Variants in AEN observed in about 807,000 individuals in gnomAD.
The protein encoded by AEN is apoptosis-enhancing nuclease.
Under a neutral mutation model 17.7 loss-of-function variants are expected in AEN, and 21 were observed. The observed-to-expected ratio is 1.19, with a 90% CI of 0.84 to 1.71. AEN has a LOEUF of 1.71. Ranked by LOEUF, AEN falls within the 40% of genes most tolerant of loss-of-function variation. AEN has a pLI of 0.00. For missense variants in AEN, 462 were observed against 435.9 expected (o/e 1.06, Z -0.53); for synonymous variants, 190 against 173.0 (o/e 1.10, Z -0.77).
chr15:88,624,407 C>T (rs2057825469), intron 1 of AEN, among the ~76,000 whole-genome samples: 1 of 152,118 alleles, frequency 6.6e-6, no homozygotes, highest in Non-Finnish European at 1.5e-5. Flanking sequence ...GAGCTGGCTG[C>T]CAACCACGGG....
At chr15:88,611,671 A>T in the AEN span, among the ~76,000 whole-genome samples, 1 of 152,182 alleles carries the variant, frequency 6.6e-6, no homozygotes, top group Non-Finnish European at 1.5e-5. Context: ...GTAAGAAAAA[A>T]TAATTTCTCC....
rs1433254015 is a variant in AEN at position 88,630,289 on chromosome 15, A to C, written c.973A>C (p.Asn325His). 6.3e-7 allele frequency: 1 copy of C among 1,578,602 alleles called. No individual in the cohort carries two copies. Among genetic ancestry groups the C allele is most frequent in the Non-Finnish European group, 8.6e-7 (1 of 1,162,632 alleles). Reference protein sequence around the residue: ...GGAREAQDRRN With the variant: ...GGAREAQDRRH ...AGCCAGGGAGGCACAGGACAGAAGG[A>C]ATTGAGAAGGGGGCGGGGCTCCCTG... Residue 325 changes from asparagine to histidine, a missense_variant, in exon 4 of 4, where the codon AAT (asparagine) becomes CAT (histidine). Physicochemically the swap from Asn to His is moderately conservative, Grantham distance 68. Transcript: ENST00000332810. The surrounding 1 kb of genome is among the most constrained non-coding windows in gnomAD (Gnocchi z 5.1).
At chr15:88,626,053 C>A in intron 1 of AEN, 93 bp from the exon 2 acceptor site, 1 of 840,682 alleles carries the variant, frequency 1.2e-6, no homozygotes, top group Non-Finnish European at 1.8e-6. Flanking sequence ...CTCGGGCATC[C>A]CCACCGTGGT....
the AEN span, among the ~76,000 whole-genome samples, chr15:88,612,233 G>A: frequency 6.6e-6 from 1 of 152,162 alleles, no homozygotes; most frequent in South Asian, 2.1e-4. Flanking sequence ...GAGGCACCTT[G>A]TGACTCCACA....
chr15:88,611,883 T>C, the AEN span: 1 of 521,274 alleles, frequency 1.9e-6, no homozygotes, highest in Non-Finnish European at 3.9e-6. Context: ...TGTTGTTGTC[T>C]TACTGCGCTC....
Position 88,630,075 on chromosome 15 carries a change from C to G in AEN, c.759C>G (p.His253Gln). 6.2e-7 allele frequency: 1 copy of G among 1,614,106 alleles called. No individual in the cohort carries two copies. The highest frequency in any genetic ancestry group is 8.5e-7 in the Non-Finnish European group (1 of 1,180,036). ...HKKIQVGQHG[H>Q]SSVEDATTAM... ...GTCAGTAGGTGGGCCAGCACGGGCA[C>G]TCATCAGTAGAAGATGCCACGACAG... is the stretch of plus-strand genomic sequence containing the variant. Residue 253 changes from histidine to glutamine, a missense_variant, in exon 4 of 4, where the codon CAC becomes CAG. Physicochemically the swap from His to Gln is conservative, Grantham distance 24. Coordinates refer to ENST00000332810, the MANE Select transcript of AEN (RefSeq NM_022767.4). The surrounding 1 kb of genome is among the most constrained non-coding windows in gnomAD (Gnocchi z 5.1).
At chr15:88,614,542 A>C in the AEN span, among the ~76,000 whole-genome samples, 1 of 152,124 alleles carries the variant, frequency 6.6e-6, no homozygotes, top group Non-Finnish European at 1.5e-5. Flanking sequence ...GAGTCTCAAC[A>C]CAAAAACCTC....
rs372130562 is a variant in AEN, at chr15:88,631,139, AAC to A, written c.*847_*848del. ...TGGGCTCTTAAGCAAAAGTCTGAGA[AAC>A]AAGACAGTGGTTTGAATTCTGGGGC... On this transcript the variant is annotated 3_prime_UTR_variant, in exon 4 of 4. Transcript: ENST00000332810. 1 of 456,712 alleles carries A rather than the reference AAC, an allele frequency of 2.2e-6. No individual in the cohort carries two copies. The highest frequency in any genetic ancestry group is 2.0e-5 in the African/African-American group (1 of 50,200). 28.3% of individuals were successfully genotyped at this position (456,712 alleles called of 1,614,324 possible).
Position 88,630,049 on chromosome 15 carries a change from C to A in AEN, c.742-9C>A, listed in dbSNP as rs201742877. 46 of 1,613,582 alleles carry A rather than the reference C, an allele frequency of 2.9e-5. No homozygotes were observed. The highest frequency in any genetic ancestry group is 3.8e-5 in the Non-Finnish European group (45 of 1,179,836). Reference sequence around the variant, plus strand: ...CTGCAGGCAGTGATGTGTTGGCTCTCGTCAGTAGGTGGGCCAGCACGGGCA... The same window carrying A: ...CTGCAGGCAGTGATGTGTTGGCTCTAGTCAGTAGGTGGGCCAGCACGGGCA... On this transcript the variant is annotated splice_polypyrimidine_tract_variant and intron_variant, in intron 3 of 3. Coordinates refer to ENST00000332810, the MANE Select transcript of AEN (RefSeq NM_022767.4). This position sits in a 1 kb window ranked among gnomAD's most constrained non-coding sequence, Gnocchi z 5.1.
At position 88,626,550 on chromosome 15, in the gene AEN, A is replaced by G. The variant is rs1249289594; in HGVS notation, c.341A>G (p.Asp114Gly). The change falls in exon 2 of 4, where the codon GAC becomes GGC. Residue 114 changes from aspartate (D) to glycine (G), a missense_variant. Asp to Gly is a moderately conservative substitution (Grantham distance 94, BLOSUM62 -1). Coordinates refer to ENST00000332810, the MANE Select transcript of AEN (RefSeq NM_022767.4). ...TTGCCCAGCAAGTGTGTGGCTATCG[A>G]CTGTGAGATGGTGGGCACGGGACCC... ...GPLPSKCVAIDCEMVGTGPRG... is the reference protein window; with the variant it reads ...GPLPSKCVAIGCEMVGTGPRG... 10 of 1,614,036 alleles carry G rather than the reference A, an allele frequency of 6.2e-6. No individual in the cohort carries two copies. The highest frequency in any genetic ancestry group is 1.7e-6 in the Non-Finnish European group (2 of 1,180,048).
At chr15:88,620,369 G>A (rs1163341849), upstream of AEN, among the ~76,000 whole-genome samples, 6 of 151,892 alleles carry the variant, frequency 4.0e-5, no homozygotes, top group African/African-American at 1.2e-4. Flanking sequence ...GTTTATTATT[G>A]TTCTTGTTAT....
At position 88,630,476 on chromosome 15, in the gene AEN, C is replaced by T. The variant is rs1241110420; in HGVS notation, c.*182C>T. The T allele has an allele frequency of 1.7e-6, 1 of 605,352 alleles. No homozygotes were observed. Among genetic ancestry groups the T allele is most frequent in the Non-Finnish European group, 2.9e-6 (1 of 340,830 alleles). 37.5% of individuals were successfully genotyped at this position (605,352 alleles called of 1,614,324 possible). ...CTCTGCACACAGCATAGCCCTCTCT[C>T]TCTCCAGGGCTGTTGGTTCTTTCTT... On this transcript the variant is annotated 3_prime_UTR_variant, in exon 4 of 4. Coordinates refer to ENST00000332810, the MANE Select transcript of AEN (RefSeq NM_022767.4). The surrounding 1 kb of genome is among the most constrained non-coding windows in gnomAD (Gnocchi z 5.1).
the AEN span, chr15:88,611,959 C>T: frequency 1.7e-4 from 82 of 471,828 alleles, no homozygotes; most frequent in Middle Eastern, 3.9e-4. Context: ...ATGGGGGCAG[C>T]CCCCCTTTTT....
upstream of AEN, among the ~76,000 whole-genome samples, chr15:88,620,308 CTGAG>C (rs1213364727): frequency 1.3e-5 from 2 of 152,142 alleles, no homozygotes; most frequent in Non-Finnish European, 1.5e-5. Context: ...TACAAATTAA[CTGAG>C]TATTTTGCCT....
In AEN at chr15:88,632,143, C is replaced by T. The variant is rs528275379; in HGVS notation, c.*1849C>T. 1.3e-5 allele frequency: 2 copies of T among 152,348 alleles called. No individual in the cohort carries two copies. Among genetic ancestry groups the T allele is most frequent in the South Asian group, 4.1e-4 (2 of 4,826 alleles). The allele number at this position is 152,348 out of a possible 1,614,324, so 9.4% of individuals were successfully genotyped here. The stretch of plus-strand genomic sequence containing the variant: ...TTAAAAGTCGGTAGCTGATGTCAAA[C>T]TCAATTGAGCAGTAGCTTTGATCCC... On this transcript the variant is annotated 3_prime_UTR_variant, in exon 4 of 4. Coordinates refer to ENST00000332810, the MANE Select transcript of AEN (RefSeq NM_022767.4).
At chr15:88,612,050 G>A in the AEN span, 6 of 374,854 alleles carry the variant, frequency 1.6e-5, no homozygotes, top group Non-Finnish European at 2.1e-5. Flanking sequence ...AACACCCATC[G>A]GCAGACTCTT....
Position 88,626,336 on chromosome 15 carries a change from C to A in AEN, c.127C>A (p.Arg43=), listed in dbSNP as rs140301944. The stretch of plus-strand genomic sequence containing the variant: ...CCGACAGCACCAGCGGTTCATGGCC[C>A]GGAAGGCCTTGCTGCAGGAGCAGGG... The part of the protein sequence containing the change: ...RSRQHQRFMA[R]KALLQEQGLL... The change falls in exon 2 of 4, where the codon CGG becomes AGG. Residue 43 remains arginine, a synonymous_variant. Coordinates refer to ENST00000332810, the MANE Select transcript of AEN (RefSeq NM_022767.4). 6 of 1,613,388 alleles carry A rather than the reference C, an allele frequency of 3.7e-6. No homozygotes were observed. The East Asian group carries it at 1.3e-4, about 36-fold the overall frequency.
rs1224238948 is a variant in AEN, at chr15:88,630,307, G to A, written c.*13G>A. 8.3e-6 allele frequency: 13 copies of A among 1,562,604 alleles called. No individual in the cohort carries two copies. The Admixed American group carries it at 2.5e-4, about 30-fold the overall frequency. ...CAGAAGGAATTGAGAAGGGGGCGGG[G>A]CTCCCTGGCTGGGCTTCCGGTGTGG... On this transcript the variant is annotated 3_prime_UTR_variant, in exon 4 of 4. Coordinates refer to ENST00000332810, the MANE Select transcript of AEN (RefSeq NM_022767.4). This position sits in a 1 kb window ranked among gnomAD's most constrained non-coding sequence, Gnocchi z 5.1.
chr15:88,614,461 C>A, the AEN span, among the ~76,000 whole-genome samples: 1 of 152,170 alleles, frequency 6.6e-6, no homozygotes, highest in Non-Finnish European at 1.5e-5. Context: ...TTGGCTTCCC[C>A]AAATGCTGAA....
Sources: gnomAD v4.1 joint callset for allele counts (sites outside exome capture counted in the v4.1 genomes callset) on GRCh38, gnomAD v4.1.1 for gene constraint, Gnocchi (gnomAD v3.1) non-coding constraint, MANE v1.5 for transcripts, NCBI Gene and HGNC (gene_info 2026-07-23, HGNC 2026-07-21) for gene names.